Variants in C11orf65 observed in about 807,000 individuals in gnomAD.
C11orf65 encodes protein MFI.
In C11orf65, 38 loss-of-function variants were observed where a neutral mutation model predicts 35.3. The ratio of observed to expected loss-of-function variants is 1.08; its 90% CI spans 0.83 to 1.41. C11orf65 has a LOEUF of 1.41. Ranked by LOEUF, C11orf65 falls within the 40% of genes most tolerant of loss-of-function variation. The probability of loss-of-function intolerance (pLI) is 0.00; values close to 1 mark genes in which losing one functional copy is unlikely to be tolerated. For synonymous variants in C11orf65, 105 were observed against 114.4 expected (o/e 0.92, Z 0.53); for missense variants, 370 against 367.1 (o/e 1.01, Z -0.06).
intron 3 of C11orf65, among the ~76,000 whole-genome samples, chr11:108,408,112 G>A (rs1044490523): frequency 2.0e-5 from 3 of 150,978 alleles, no homozygotes; most frequent in East Asian, 1.9e-4. Context: ...ATGCTGGTGC[G>A]CTGCACCCAC....
At chr11:108,455,260 A>T (rs2093398219) in intron 2 of C11orf65, among the ~76,000 whole-genome samples, 1 of 152,216 alleles carries the variant, frequency 6.6e-6, no homozygotes, top group African/African-American at 2.4e-5. Context: ...ATTAGGCAAC[A>T]GAAAGAAATA....
In C11orf65 at chr11:108,382,843, A is replaced by G; in HGVS notation, c.*178T>C. On this transcript the variant is annotated 3_prime_UTR_variant, in exon 9 of 9. Coordinates refer to ENST00000393084, the MANE Select transcript of C11orf65 (RefSeq NM_152587.5). ...ACTAGGAATAATTTCTATATTTGCC[A>G]TGATCATTGTATTCAGTCCAGTGTT... is the stretch of plus-strand genomic sequence containing the variant. 2.0e-6 allele frequency: 2 copies of G among 984,788 alleles called. No homozygotes were observed. The highest frequency in any genetic ancestry group is 9.4e-5 in the South Asian group (2 of 21,266). 61.0% of individuals were successfully genotyped at this position (984,788 alleles called of 1,614,324 possible). A position where few individuals can be genotyped will look rare whatever the true frequency, so the allele number is the denominator to read the frequency against.
chr11:108,389,606 G>GT (rs1328242261), intron 7 of C11orf65, among the ~76,000 whole-genome samples: 1 of 152,022 alleles, frequency 6.6e-6, no homozygotes, highest in African/African-American at 2.4e-5. Flanking sequence ...TGAAAGCTAG[G>GT]TATATCCATC....
chr11:108,427,893 G>C (rs1461799684), intron 3 of C11orf65, among the ~76,000 whole-genome samples: 1 of 121,966 alleles, frequency 8.2e-6, no homozygotes, highest in Non-Finnish European at 1.7e-5. Flanking sequence ...TGCAGTGGCG[G>C]GATCTCGGCT....
At chr11:108,325,790 C>A (rs529597133) in intron 6 of C11orf65, among the ~76,000 whole-genome samples, 50 of 152,200 alleles carry the variant, frequency 3.3e-4, no homozygotes, top group Non-Finnish European at 7.4e-5. Context: ...ACGTAACTTA[C>A]TATATTGATA....
chr11:108,409,459 G>A (rs2092616538), intron 3 of C11orf65, among the ~76,000 whole-genome samples: 1 of 152,086 alleles, frequency 6.6e-6, no homozygotes, highest in South Asian at 2.1e-4. Context: ...TGACTACAAT[G>A]GTGTGAAAGT....
rs1055848270 is a variant in C11orf65, at chr11:108,312,335, A to G, written c.641-3264T>C. The G allele has an allele frequency of 1.1e-5, 12 of 1,122,284 alleles. No homozygotes were observed. The African/African-American group carries it at 1.6e-4, about 15-fold the overall frequency. The allele number at this position is 1,122,284 out of a possible 1,614,324, so 69.5% of individuals were successfully genotyped here. A position where few individuals can be genotyped will look rare whatever the true frequency, so the allele number is the denominator to read the frequency against. ...CCACCTTCATTAGTTTTTTTCTGTC[A>G]AAGTCTATAGTATATGTATTCAGGA... On this transcript the variant is annotated intron_variant, in intron 6 of 6. Coordinates refer to the C11orf65 transcript ENST00000525729.
At position 108,317,354 on chromosome 11, in the gene C11orf65, C is replaced by T. The variant is rs1253016340; in HGVS notation, c.641-8283G>A. On this transcript the variant is annotated intron_variant, in intron 6 of 6. Transcript: ENST00000525729. ...TATCTTTGATTACTTAACTTAAAAA[C>T]AAAATAACTCCTGTTTAGGCCTTGC... is the stretch of plus-strand genomic sequence containing the variant. 6.2e-7 allele frequency: 1 copy of T among 1,606,010 alleles called. No individual in the cohort carries two copies. The highest frequency in any genetic ancestry group is 1.3e-5 in the African/African-American group (1 of 74,510).
chr11:108,327,321 T>C (rs1381187658), downstream of C11orf65: 2 of 310,116 alleles, frequency 6.4e-6, no homozygotes, highest in Non-Finnish European at 1.2e-5. Flanking sequence ...ATTGGGGTAA[T>C]AATAGTACTT....
chr11:108,310,755 A>G (rs866996320), intron 6 of C11orf65, among the ~76,000 whole-genome samples: 2 of 152,196 alleles, frequency 1.3e-5, no homozygotes, highest in Admixed American at 6.5e-5. Flanking sequence ...CAAAATGGCT[A>G]TAATGTGACT....
chr11:108,434,923 C>T (rs2093040591), intron 2 of C11orf65, among the ~76,000 whole-genome samples: 1 of 152,178 alleles, frequency 6.6e-6, no homozygotes, highest in African/African-American at 2.4e-5. Flanking sequence ...TACCTTGTTC[C>T]CAATCACCCT....
At chr11:108,447,821 C>G (rs1591584535) in intron 2 of C11orf65, among the ~76,000 whole-genome samples, 2 of 152,170 alleles carry the variant, frequency 1.3e-5, no homozygotes, top group African/African-American at 2.4e-5. Flanking sequence ...ACAAAAAACG[C>G]TTCAAAAAAT....
chr11:108,404,142 T>C (rs1310649676), intron 6 of C11orf65, among the ~76,000 whole-genome samples: 78 of 152,160 alleles, frequency 5.1e-4, no homozygotes, highest in Admixed American at 5.0e-3. Flanking sequence ...TATAGATCTA[T>C]ACTTCTGGCC....
intron 2 of C11orf65, among the ~76,000 whole-genome samples, chr11:108,362,405 T>C (rs2090875871): frequency 6.6e-6 from 1 of 151,890 alleles, no homozygotes; most frequent in South Asian, 2.1e-4. Context: ...TCCTCAGGGA[T>C]CTAGAATTAG....
chr11:108,439,778 A>C (rs2093121138), intron 2 of C11orf65, among the ~76,000 whole-genome samples: 1 of 152,206 alleles, frequency 6.6e-6, no homozygotes, highest in Non-Finnish European at 1.5e-5. Flanking sequence ...TCACAGAGAC[A>C]CAAAGTAGAA....
chr11:108,412,309 A>AG (rs1307722518), intron 3 of C11orf65, among the ~76,000 whole-genome samples: 1 of 152,012 alleles, frequency 6.6e-6, no homozygotes. Context: ...AGGAATACAG[A>AG]GAAAAAAAAA....
chr11:108,373,870 T>C (rs1261243549), intron 2 of C11orf65, among the ~76,000 whole-genome samples: 2 of 152,202 alleles, frequency 1.3e-5, no homozygotes, highest in Non-Finnish European at 2.9e-5. Flanking sequence ...ACCAGGAAAT[T>C]ATATCCCGCA....
At chr11:108,449,464 T>C (rs1203505883) in intron 2 of C11orf65, among the ~76,000 whole-genome samples, 6 of 151,408 alleles carry the variant, frequency 4.0e-5, no homozygotes, top group African/African-American at 7.3e-5. Flanking sequence ...CAGAACAGAG[T>C]CCTCAGAAAT....
intron 7 of C11orf65, among the ~76,000 whole-genome samples, chr11:108,386,254 T>C (rs1346373766): frequency 6.6e-6 from 1 of 152,200 alleles, no homozygotes. Flanking sequence ...TTTATCCTGT[T>C]AATTCCAGAA....
Sources: gnomAD v4.1 joint callset for allele counts (sites outside exome capture counted in the v4.1 genomes callset) on GRCh38, gnomAD v4.1.1 for gene constraint, MANE v1.5 for transcripts, NCBI Gene and HGNC (gene_info 2026-07-23, HGNC 2026-07-21) for gene names.